The following LINGO2 variants were observed in gnomAD, a reference collection of about 807,000 sequenced individuals.
The protein encoded by LINGO2 is leucine rich repeat and Ig domain containing 2.
In LINGO2, 14 loss-of-function variants were observed where a neutral mutation model predicts 30.6. The observed-to-expected ratio is 0.46, with a 90% CI of 0.30 to 0.72. The LOEUF is 0.72. LINGO2 is among the 30% of genes least tolerant of loss of function. The pLI is 0.07. For missense variants in LINGO2, 729 were observed against 751.7 expected (o/e 0.97, Z 0.35); for synonymous variants, 317 against 288.5 (o/e 1.10, Z -1.00).
the LINGO2 span, among the ~76,000 whole-genome samples, chr9:28,804,322 G>A: frequency 7.9e-5 from 12 of 152,220 alleles, no homozygotes; most frequent in African/African-American, 2.9e-4. Context: ...AGGAACATTT[G>A]CAAGACACAC....
chr9:29,138,204 G>C, the LINGO2 span, among the ~76,000 whole-genome samples: 1 of 151,868 alleles, frequency 6.6e-6, no homozygotes, highest in Non-Finnish European at 1.5e-5. Flanking sequence ...ATAGCAATGT[G>C]GTAATAGGTT....
chr9:28,684,233 G>C, the LINGO2 span, among the ~76,000 whole-genome samples: 1 of 114,878 alleles, frequency 8.7e-6, no homozygotes, highest in East Asian at 2.9e-4. Flanking sequence ...TGTCGCCCAG[G>C]CTGGAGTGCA....
At chr9:28,282,826 A>C (rs1823375515) in intron 4 of LINGO2, among the ~76,000 whole-genome samples, 1 of 152,160 alleles carries the variant, frequency 6.6e-6, no homozygotes, top group Non-Finnish European at 1.5e-5. Flanking sequence ...CTAAAAATTT[A>C]TATGCAAAGA....
chr9:28,986,038 T>C, the LINGO2 span, among the ~76,000 whole-genome samples: 7 of 152,184 alleles, frequency 4.6e-5, no homozygotes, highest in East Asian at 1.9e-4. Flanking sequence ...TTTTTGTGTA[T>C]GTTGTGAGAT....
chr9:29,110,817 A>C, the LINGO2 span, among the ~76,000 whole-genome samples: 10 of 151,638 alleles, frequency 6.6e-5, no homozygotes, highest in Non-Finnish European at 1.3e-4. Flanking sequence ...CAGCCTCCCA[A>C]GTAGTTGGGA....
chr9:28,348,693 G>C (rs555181716), intron 3 of LINGO2, among the ~76,000 whole-genome samples: 1 of 151,886 alleles, frequency 6.6e-6, no homozygotes, highest in East Asian at 1.9e-4. Flanking sequence ...ACCTCTGGGG[G>C]CAGGGCACAG....
At chr9:28,439,658 C>T (rs1020025385) in intron 2 of LINGO2, among the ~76,000 whole-genome samples, 1 of 152,116 alleles carries the variant, frequency 6.6e-6, no homozygotes, top group South Asian at 2.1e-4. Context: ...GCTGGCTTCC[C>T]CTTTGTCTAT....
At chr9:27,988,018 A>T (rs556384444) in intron 5 of LINGO2, among the ~76,000 whole-genome samples, 2 of 151,858 alleles carry the variant, frequency 1.3e-5, no homozygotes, top group South Asian at 4.2e-4. Flanking sequence ...CCACCCCACA[A>T]CAGGCCCTGG....
chr9:28,090,073 A>G (rs1365276796), intron 4 of LINGO2, among the ~76,000 whole-genome samples: 2 of 152,180 alleles, frequency 1.3e-5, no homozygotes, highest in African/African-American at 4.8e-5. Flanking sequence ...AATAATTAAT[A>G]GCTTACCAAC....
chr9:28,765,677 G>A, the LINGO2 span, among the ~76,000 whole-genome samples: 1 of 151,970 alleles, frequency 6.6e-6, no homozygotes, highest in Non-Finnish European at 1.5e-5. Flanking sequence ...GTGGTGTGAG[G>A]TGGCAGAAAA....
the LINGO2 span, among the ~76,000 whole-genome samples, chr9:28,713,181 C>T: frequency 5.3e-5 from 8 of 151,938 alleles, no homozygotes; most frequent in African/African-American, 1.9e-4. Flanking sequence ...CTAATCTTAC[C>T]GCTTCAATAC....
Position 28,262,518 on chromosome 9 carries a change from G to A in LINGO2, c.-87+32690C>T, listed in dbSNP as rs558556603. ...ACATAACATATAAAGACAGGATATA[G>A]AAAGGCAAGTACTAATGCCTCTATT... On this transcript the variant is annotated intron_variant, in intron 4 of 5. Coordinates refer to ENST00000379992, the Ensembl canonical transcript of LINGO2. Among the ~76,000 whole-genome samples the A allele has an allele frequency of 2.8e-4, 42 of 152,004 alleles. No homozygotes were observed. The South Asian group carries it at 8.1e-3, about 29-fold the overall frequency.
intron 2 of LINGO2, among the ~76,000 whole-genome samples, chr9:28,441,684 G>A (rs1361765473): frequency 2.6e-5 from 4 of 151,970 alleles, no homozygotes; most frequent in East Asian, 3.9e-4. Flanking sequence ...TAGTTACCAC[G>A]CTTTTCATAA....
intron 4 of LINGO2, among the ~76,000 whole-genome samples, chr9:28,037,579 T>TA (rs750908601): frequency 1.3e-5 from 2 of 150,198 alleles, no homozygotes; most frequent in Non-Finnish European, 2.9e-5. Flanking sequence ...CACTGCATTT[T>TA]AATTTGTTTG....
chr9:28,091,048 C>T (rs1261765813), intron 4 of LINGO2, among the ~76,000 whole-genome samples: 5 of 152,104 alleles, frequency 3.3e-5, no homozygotes, highest in Non-Finnish European at 7.3e-5. Context: ...CAAACCACTG[C>T]TCAACGAAAT....
intron 4 of LINGO2, among the ~76,000 whole-genome samples, chr9:28,123,673 T>C (rs1439526933): frequency 2.0e-5 from 3 of 151,630 alleles, no homozygotes; most frequent in African/African-American, 2.4e-5. Context: ...ATATTTGATT[T>C]TTTTTTTTTT....
chr9:28,793,796 A>C, the LINGO2 span, among the ~76,000 whole-genome samples: 9 of 152,156 alleles, frequency 5.9e-5, no homozygotes, highest in Non-Finnish European at 8.8e-5. Flanking sequence ...AAAAAAGCAG[A>C]ATCTCCACCT....
the LINGO2 span, among the ~76,000 whole-genome samples, chr9:28,943,995 G>A: frequency 6.6e-6 from 1 of 152,134 alleles, no homozygotes; most frequent in African/African-American, 2.4e-5. Flanking sequence ...CCTATATAGT[G>A]GCTTAACAGC....
chr9:28,843,462 GCT>G, the LINGO2 span, among the ~76,000 whole-genome samples: 21 of 151,806 alleles, frequency 1.4e-4, no homozygotes, highest in East Asian at 3.7e-3. Context: ...AAGACATCAG[GCT>G]TAAGATAATG....
Sources: allele counts gnomAD v4.1 joint callset (sites outside exome capture counted in the v4.1 genomes callset), GRCh38; gene constraint gnomAD v4.1.1; transcripts MANE v1.5; gene names NCBI Gene and HGNC (gene_info 2026-07-23, HGNC 2026-07-21).